TRMT9B: variants seen among roughly 807,000 people sequenced by gnomAD.
TRMT9B encodes the protein tRNA methyltransferase 9B (putative), also known as probable tRNA methyltransferase 9B.
TRMT9B carries 16 observed loss-of-function variants against 11.5 expected under a neutral mutation model. That is an observed-to-expected ratio of 1.39 (90% CI 0.94 to 2.11). The LOEUF is 2.11. Among genes scored for constraint, TRMT9B ranks in the 30% most tolerant of loss-of-function variants. TRMT9B has a pLI of 0.00. For synonymous variants in TRMT9B, 274 were observed against 192.4 expected, an observed-to-expected ratio of 1.42 and a Z score of -3.51; for missense variants, 941 against 553.8, an observed-to-expected ratio of 1.70 and a Z score of -7.02.
chr8:12,952,646 G>A (rs1800779593), intron 1 of TRMT9B: 2 of 981,952 alleles, frequency 2.0e-6, no homozygotes, highest in South Asian at 9.4e-5. Context: ...CTTGAAGCCA[G>A]AAAGTTTTCA....
rs79829785 is a variant in TRMT9B at position 12,986,935 on chromosome 8, C to G, written c.-199-3899C>G. Among the ~76,000 whole-genome samples, 648 of 152,316 alleles carry G rather than the reference C, an allele frequency of 4.3e-3. 3 individuals carry two copies. Among genetic ancestry groups the G allele is most frequent in the African/African-American group, 0.015 (617 of 41,576 alleles). On this transcript the variant is annotated intron_variant, in intron 1 of 4. Transcript: ENST00000524591. ...CATGAAGTGCCAGTCTACACTACTGCCAGAGGCAATTTCTAAAACCGAGAT... is the reference window on the plus strand; with the variant it reads ...CATGAAGTGCCAGTCTACACTACTGGCAGAGGCAATTTCTAAAACCGAGAT...
chr8:13,002,891 G>T (rs1445804269), intron 2 of TRMT9B, among the ~76,000 whole-genome samples: 3 of 152,138 alleles, frequency 2.0e-5, no homozygotes, highest in African/African-American at 4.8e-5. Flanking sequence ...CTTCTCTCCA[G>T]TTACACTCCC....
chr8:12,971,130 G>C (rs1435090179), intron 1 of TRMT9B, among the ~76,000 whole-genome samples: 2 of 152,116 alleles, frequency 1.3e-5, no homozygotes, highest in East Asian at 3.9e-4. Context: ...GAACATTGCA[G>C]TTCTTGTAGC....
At chr8:12,972,134 G>A (rs926861563) in intron 1 of TRMT9B, among the ~76,000 whole-genome samples, 1 of 152,150 alleles carries the variant, frequency 6.6e-6, no homozygotes, top group African/African-American at 2.4e-5. Context: ...AGATATTAGA[G>A]GACAAGCAAT....
chr8:13,029,054 CAT>C lies in TRMT9B; in HGVS notation c.*7021_*7022del, dbSNP rs113873447. Reference sequence around the variant, plus strand: ...TGTCTGTAAATATATATATAACACACATATATATATATTCCTAGACATCTAGT... The same window carrying C: ...TGTCTGTAAATATATATATAACACACATATATATATTCCTAGACATCTAGT... On this transcript the variant is annotated 3_prime_UTR_variant, in exon 5 of 5. Coordinates refer to ENST00000524591, the MANE Select transcript of TRMT9B (RefSeq NM_020844.3). 6.6e-5 allele frequency: 11 copies of C among 166,348 alleles called. No homozygotes were observed. Among genetic ancestry groups the C allele is most frequent in the Non-Finnish European group, 1.0e-4 (7 of 68,026 alleles). The allele number at this position is 166,348 out of a possible 1,614,324, so 10.3% of individuals were successfully genotyped here. A position where few individuals can be genotyped will look rare whatever the true frequency, so the allele number is the denominator to read the frequency against.
intron 1 of TRMT9B, among the ~76,000 whole-genome samples, chr8:12,959,634 C>G (rs527890344): frequency 1.3e-5 from 2 of 149,384 alleles, no homozygotes; most frequent in Admixed American, 6.9e-5. Context: ...ATCCTCCTGC[C>G]TCAGCCGCCC....
chr8:12,950,824 A>C (rs1241613622), intron 1 of TRMT9B, among the ~76,000 whole-genome samples: 19 of 152,106 alleles, frequency 1.2e-4, no homozygotes, highest in Non-Finnish European at 2.5e-4. Context: ...TCTATGTGAG[A>C]CCTGTAGTTG....
At chr8:13,019,045 G>A (rs1292780610) in intron 4 of TRMT9B, among the ~76,000 whole-genome samples, 1 of 152,136 alleles carries the variant, frequency 6.6e-6, no homozygotes, top group African/African-American at 2.4e-5. Context: ...GGCTCAAGTT[G>A]CCCCTCTGCA....
intron 2 of TRMT9B, among the ~76,000 whole-genome samples, chr8:12,997,272 G>A (rs1808531747): frequency 6.9e-6 from 1 of 145,518 alleles, no homozygotes; most frequent in Admixed American, 6.9e-5. Flanking sequence ...GTGACTTCTT[G>A]CTCTATCAGT....
At position 12,977,287 on chromosome 8, in the gene TRMT9B, G is replaced by C. The variant is rs114023737; in HGVS notation, c.-199-13547G>C. Among the ~76,000 whole-genome samples, 441 of 152,314 alleles carry C rather than the reference G, an allele frequency of 2.9e-3. 2 individuals carry two copies. Among genetic ancestry groups the C allele is most frequent in the African/African-American group, 0.01 (425 of 41,560 alleles). On this transcript the variant is annotated intron_variant, in intron 1 of 4. Transcript: ENST00000524591. ...GCAGTGCCAATCACAAGATCAGCCTGGAGAGGAGAGGAATGTGTTACTGTG... is the reference window on the plus strand; with the variant it reads ...GCAGTGCCAATCACAAGATCAGCCTCGAGAGGAGAGGAATGTGTTACTGTG...
intron 2 of TRMT9B, among the ~76,000 whole-genome samples, chr8:12,991,960 G>A (rs1426662554): frequency 6.6e-6 from 1 of 152,088 alleles, no homozygotes; most frequent in East Asian, 1.9e-4. Context: ...AGACCTCTGG[G>A]GCAGCAAATC....
At chr8:13,005,072 C>T (rs1271287465) in intron 2 of TRMT9B, among the ~76,000 whole-genome samples, 3 of 143,168 alleles carry the variant, frequency 2.1e-5, no homozygotes, top group Non-Finnish European at 3.0e-5. Flanking sequence ...GGCGATACAG[C>T]GAGACTGCAT....
chr8:12,992,916 T>C (rs975095856), intron 2 of TRMT9B, among the ~76,000 whole-genome samples: 1 of 152,172 alleles, frequency 6.6e-6, no homozygotes, highest in African/African-American at 2.4e-5. Flanking sequence ...GATTTTTATC[T>C]GTAGTTACCC....
chr8:12,963,040 G>A (rs1398713725), intron 1 of TRMT9B, among the ~76,000 whole-genome samples: 1 of 152,092 alleles, frequency 6.6e-6, no homozygotes, highest in African/African-American at 2.4e-5. Context: ...CATTAAAGCA[G>A]GAAATTCAAG....
In TRMT9B at chr8:13,029,604, C is replaced by T. The variant is rs761488714; in HGVS notation, c.*7560C>T. On this transcript the variant is annotated 3_prime_UTR_variant, in exon 5 of 5. Transcript: ENST00000524591. ...CATTATTCAGTTCACATAGTCAGCT[C>T]TCACTACACTTCAACAGAACGGGGC... The T allele has an allele frequency of 1.2e-5, 2 of 164,542 alleles. No homozygotes were observed. The highest frequency in any genetic ancestry group is 4.1e-4 in the South Asian group (2 of 4,828). 10.2% of individuals were successfully genotyped at this position (164,542 alleles called of 1,614,324 possible).
intron 1 of TRMT9B, among the ~76,000 whole-genome samples, chr8:12,969,846 A>ATTTTTTTT (rs368805990): frequency 4.8e-5 from 6 of 124,368 alleles, no homozygotes; most frequent in Non-Finnish European, 6.8e-5. Flanking sequence ...TAATGTTTTA[A>ATTTTTTTT]TTTTTTTTTT....
chr8:13,010,700 A>G, intron 3 of TRMT9B: 1 of 984,960 alleles, frequency 1.0e-6, no homozygotes, highest in African/African-American at 1.7e-5. Flanking sequence ...AATATCATTG[A>G]AGTAACTTTC....
chr8:13,023,171 A>C lies in TRMT9B; in HGVS notation c.*1127A>C, dbSNP rs1814227434. On this transcript the variant is annotated 3_prime_UTR_variant, in exon 5 of 5. Transcript: ENST00000524591. Reference sequence around the variant, plus strand: ...ATCAATCATGCTTATTAGAAGGATGAATATCCAAGACCAAGATTGACTAAT... The same window carrying C: ...ATCAATCATGCTTATTAGAAGGATGCATATCCAAGACCAAGATTGACTAAT... 6.0e-6 allele frequency: 1 copy of C among 167,088 alleles called. No homozygotes were observed. Among genetic ancestry groups the C allele is most frequent in the Non-Finnish European group, 1.5e-5 (1 of 68,126 alleles). 10.4% of individuals were successfully genotyped at this position (167,088 alleles called of 1,614,324 possible).
At chr8:12,961,211 G>T (rs1455657012) in intron 1 of TRMT9B, among the ~76,000 whole-genome samples, 1 of 151,964 alleles carries the variant, frequency 6.6e-6, no homozygotes, top group Non-Finnish European at 1.5e-5. Flanking sequence ...TATGCATTTG[G>T]CAAAACACAA....
Sources: allele counts gnomAD v4.1 joint callset (sites outside exome capture counted in the v4.1 genomes callset), GRCh38; gene constraint gnomAD v4.1.1; transcripts MANE v1.5; gene names NCBI Gene and HGNC (gene_info 2026-07-23, HGNC 2026-07-21).